The following FOCAD variants were observed in gnomAD, a reference collection of about 807,000 sequenced individuals.
FOCAD encodes focadhesin.
FOCAD carries 198 observed loss-of-function variants against 225.6 expected under a neutral mutation model. The observed-to-expected ratio is 0.88, with a 90% CI of 0.78 to 0.99. The LOEUF (loss-of-function observed/expected upper bound fraction) is 0.99. Among genes scored for constraint, FOCAD ranks in the 50% least tolerant of loss-of-function variants. The pLI is 0.00. For synonymous variants in FOCAD, 897 were observed against 755.0 expected (o/e 1.19, Z -3.08); for missense variants, 2,713 against 2,123.6 (o/e 1.28, Z -5.46).
rs778642783 is a variant in FOCAD at position 20,986,420 on chromosome 9, C to G, written c.4861C>G (p.Leu1621Val). Residue 1621 changes from leucine (L) to valine (V), a missense_variant, in exon 40 of 44, where the codon CTG becomes GTG. By Grantham distance (32) the Leu-to-Val change is conservative. Coordinates refer to ENST00000338382, the MANE Select transcript of FOCAD (RefSeq NM_001375567.1). Reference protein sequence around the residue: ...REKEVLAWMILHSLYQARIVS... With the variant: ...REKEVLAWMIVHSLYQARIVS... Reference sequence around the variant, plus strand: ...GAAAGAGGTGTTGGCCTGGATGATTCTGCACAGCTTATACCAGGCACGGAT... The same window carrying G: ...GAAAGAGGTGTTGGCCTGGATGATTGTGCACAGCTTATACCAGGCACGGAT... 1 of 1,613,220 alleles carries G rather than the reference C, an allele frequency of 6.2e-7. No homozygotes were observed. Among genetic ancestry groups the G allele is most frequent in the Non-Finnish European group, 8.5e-7 (1 of 1,179,780 alleles).
intron 1 of FOCAD, among the ~76,000 whole-genome samples, chr9:20,699,773 A>AATATATATATATAT (rs1277614689): frequency 9.9e-5 from 3 of 30,360 alleles, no homozygotes; most frequent in Non-Finnish European, 1.1e-4. Flanking sequence ...AAAAAAAAAA[A>AATATATATATATAT]ATATATATAT....
At chr9:20,880,140 G>A (rs1420311326) in intron 19 of FOCAD, among the ~76,000 whole-genome samples, 1 of 152,138 alleles carries the variant, frequency 6.6e-6, no homozygotes, top group African/African-American at 2.4e-5. Context: ...ATTGATCACT[G>A]TTATGACAAG....
intron 6 of FOCAD, among the ~76,000 whole-genome samples, chr9:20,763,141 T>G (rs904219063): frequency 6.6e-6 from 1 of 152,210 alleles, no homozygotes; most frequent in Non-Finnish European, 1.5e-5. Flanking sequence ...GTCATGACAT[T>G]TAATTGCATG....
At chr9:20,881,609 T>A (rs1830670978) in intron 19 of FOCAD, among the ~76,000 whole-genome samples, 1 of 152,044 alleles carries the variant, frequency 6.6e-6, no homozygotes, top group Non-Finnish European at 1.5e-5. Context: ...GGGATAGATT[T>A]TGAAGGTGGA....
intron 2 of FOCAD, among the ~76,000 whole-genome samples, chr9:20,667,347 T>C (rs1388863845): frequency 6.6e-6 from 1 of 152,244 alleles, no homozygotes; most frequent in Non-Finnish European, 1.5e-5. Flanking sequence ...AATGGACTTA[T>C]AAATCTTGTT....
At chr9:20,719,778 C>CTTTTTTTTTTT (rs34384301) in intron 3 of FOCAD, among the ~76,000 whole-genome samples, 8 of 62,130 alleles carry the variant, frequency 1.3e-4, no homozygotes, top group Admixed American at 2.4e-4. Flanking sequence ...TTTTCCTAGG[C>CTTTTTTTTTTT]TTTTTTTTTT....
intron 11 of FOCAD, among the ~76,000 whole-genome samples, chr9:20,809,322 G>A (rs1045551722): frequency 6.6e-6 from 1 of 152,144 alleles, no homozygotes; most frequent in African/African-American, 2.4e-5. Context: ...GTTTTATGTG[G>A]TAACCACTAG....
rs752712816 is a variant in FOCAD at position 20,951,113 on chromosome 9, A to G, written c.4051+15A>G. The G allele has an allele frequency of 1.4e-5, 22 of 1,594,416 alleles. No homozygotes were observed. Among genetic ancestry groups the G allele is most frequent in the Non-Finnish European group, 1.6e-5 (19 of 1,162,298 alleles). On this transcript the variant is annotated intron_variant, in intron 34 of 43. Coordinates refer to ENST00000338382, the MANE Select transcript of FOCAD (RefSeq NM_001375567.1). ...TAGAGCCTCTGGTAAGATTAAAGTC[A>G]TAAAATACTGGAGCTGGAAGGGAGG...
At chr9:20,863,751 G>T (rs749226602) in intron 16 of FOCAD, among the ~76,000 whole-genome samples, 5 of 152,106 alleles carry the variant, frequency 3.3e-5, no homozygotes, top group Non-Finnish European at 5.9e-5. Flanking sequence ...CTGATAATGA[G>T]CTAAGACTAA....
chr9:20,803,369 G>T (rs1175944819), intron 11 of FOCAD, among the ~76,000 whole-genome samples: 1 of 152,004 alleles, frequency 6.6e-6, no homozygotes, highest in Non-Finnish European at 1.5e-5. Flanking sequence ...CCTTGTAGTT[G>T]GGGTGGACAA....
chr9:20,801,292 A>G (rs77364624), intron 11 of FOCAD, among the ~76,000 whole-genome samples: 4,403 of 152,258 alleles, frequency 0.029, 207 homozygotes, highest in African/African-American at 0.1. Context: ...AGTCAAATTT[A>G]CAAGCAATGC....
upstream of FOCAD, among the ~76,000 whole-genome samples, chr9:20,681,579 A>G (rs796655884): frequency 8.5e-5 from 13 of 152,320 alleles, no homozygotes; most frequent in African/African-American, 3.1e-4. Context: ...GATCCTTTCT[A>G]GTTCTAAAAG....
intron 19 of FOCAD, among the ~76,000 whole-genome samples, chr9:20,878,996 A>T (rs1007117297): frequency 6.6e-6 from 1 of 152,164 alleles, no homozygotes. Context: ...GTCTCTGGAC[A>T]ATTGGATGGT....
At chr9:20,778,900 G>T (rs954366671) in intron 9 of FOCAD, 132 bp downstream of exon 9, 6 of 501,270 alleles carry the variant, frequency 1.2e-5, no homozygotes, top group East Asian at 3.1e-5. Flanking sequence ...TTATTAAATA[G>T]AATTTTTTTT....
chr9:20,721,895 C>CG lies in FOCAD; in HGVS notation c.287+1361_287+1362insG, dbSNP rs1165174230. On this transcript the variant is annotated intron_variant, in intron 4 of 43. Transcript: ENST00000338382. The stretch of plus-strand genomic sequence containing the variant: ...TTCCCCTCCCCTCCCCTTCCTCCCC[C>CG]TCCCCTCCCTTTCCTTTTCCTTCCC... Among the ~76,000 whole-genome samples, 141 of 69,766 alleles carry CG rather than the reference C, an allele frequency of 2.0e-3. 6 individuals carry two copies. Among genetic ancestry groups the CG allele is most frequent in the African/African-American group, 8.2e-3 (128 of 15,536 alleles). 45.8% of individuals were successfully genotyped at this position (69,766 alleles called of 152,430 possible).
rs1175158015 is a variant in FOCAD, at chr9:20,995,810, T to G, written c.*181T>G. ...GCCTCCTAAGAGAGGAGTGCATTGC[T>G]TTAGTACCCGGGCCAGTTGAGACTG... On this transcript the variant is annotated 3_prime_UTR_variant, in exon 44 of 44. Coordinates refer to ENST00000338382, the MANE Select transcript of FOCAD (RefSeq NM_001375567.1). 2.9e-5 allele frequency: 13 copies of G among 445,238 alleles called. No individual in the cohort carries two copies. Among genetic ancestry groups the G allele is most frequent in the Non-Finnish European group, 5.2e-5 (13 of 249,010 alleles). The allele number at this position is 445,238 out of a possible 1,614,324, so 27.6% of individuals were successfully genotyped here.
chr9:20,916,883 T>C lies in FOCAD; in HGVS notation c.2808-10T>C. ...CATAAACTCTCGTCTATTTTCCATC[T>C]TTATTGCAGGGTTAGAGACATGCTG... is the stretch of plus-strand genomic sequence containing the variant. On this transcript the variant is annotated splice_polypyrimidine_tract_variant and intron_variant, in intron 23 of 43. Transcript: ENST00000338382. The C allele has an allele frequency of 6.3e-7, 1 of 1,599,940 alleles. No individual in the cohort carries two copies. Among genetic ancestry groups the C allele is most frequent in the Non-Finnish European group, 8.5e-7 (1 of 1,175,464 alleles).
At chr9:20,794,851 G>A (rs1448860251) in intron 11 of FOCAD, among the ~76,000 whole-genome samples, 1 of 151,974 alleles carries the variant, frequency 6.6e-6, no homozygotes. Context: ...TCTTTTGTGA[G>A]TAATGGCAAT....
At chr9:20,856,658 C>G (rs1828214219) in intron 15 of FOCAD, among the ~76,000 whole-genome samples, 1 of 151,938 alleles carries the variant, frequency 6.6e-6, no homozygotes. Context: ...CTCAAGAAAT[C>G]TTTGTCCAGA....
Sources: allele counts gnomAD v4.1 joint callset (sites outside exome capture counted in the v4.1 genomes callset), GRCh38; gene constraint gnomAD v4.1.1; transcripts MANE v1.5; gene names NCBI Gene and HGNC (gene_info 2026-07-23, HGNC 2026-07-21).